SLC35E4: variants seen among roughly 807,000 people sequenced by gnomAD.
SLC35E4 encodes the protein solute carrier family 35, member E4.
A neutral mutation model predicts 19.3 loss-of-function variants in SLC35E4; 15 were observed. The ratio of observed to expected loss-of-function variants is 0.78; its 90% CI spans 0.52 to 1.20. SLC35E4 has a LOEUF of 1.20. SLC35E4 is among the 50% of genes most tolerant of loss of function. SLC35E4 has a pLI of 0.00. For missense variants in SLC35E4, 406 were observed against 472.3 expected (o/e 0.86, Z 1.30); for synonymous variants, 219 against 219.9 (o/e 1.00, Z 0.04).
At chr22:30,644,122 C>T (rs1156293085) in intron 1 of SLC35E4, among the ~76,000 whole-genome samples, 1 of 152,214 alleles carries the variant, frequency 6.6e-6, no homozygotes, top group African/African-American at 2.4e-5. Context: ...AATGTGCAAG[C>T]CACAGGTAGC....
chr22:30,659,123 C>CAAAA (rs35939188), intron 2 of SLC35E4, among the ~76,000 whole-genome samples: 1 of 104,714 alleles, frequency 9.5e-6, no homozygotes, highest in Non-Finnish European at 1.8e-5. Flanking sequence ...GACTCCATCT[C>CAAAA]AAAAAAAAAA....
downstream of SLC35E4, among the ~76,000 whole-genome samples, chr22:30,664,259 C>T (rs1156834079): frequency 2.6e-5 from 4 of 152,210 alleles, no homozygotes; most frequent in Non-Finnish European, 2.9e-5. Flanking sequence ...TCCAAACCCA[C>T]AGTCAGACTC....
downstream of SLC35E4, among the ~76,000 whole-genome samples, chr22:30,651,395 G>GTATATATA (rs2088209814): frequency 5.5e-5 from 3 of 54,074 alleles, no homozygotes; most frequent in African/African-American, 1.2e-4. Context: ...GTGTGTGTGT[G>GTATATATA]TGTGTATATA....
downstream of SLC35E4, chr22:30,663,836 T>G (rs560289108): frequency 2.8e-5 from 46 of 1,614,108 alleles, no homozygotes; most frequent in South Asian, 4.8e-4. Context: ...AGGTGTTCAC[T>G]ACCTCCACTG....
chr22:30,655,515 T>A (rs2088323011), intron 2 of SLC35E4, among the ~76,000 whole-genome samples: 1 of 151,994 alleles, frequency 6.6e-6, no homozygotes, highest in South Asian at 2.1e-4. Flanking sequence ...TCCTTTTTTT[T>A]TTTCTTCCAG....
rs140359117 is a variant in SLC35E4 at position 30,637,045 on chromosome 22, C to G, written c.595C>G (p.Arg199Gly). ...CTTCCTGCTCGCAGCCACCTGCCTC[C>G]GCGGACTCAAGTCGGTTCAGCAAAG... ...CGFLLAATCL[R>G]GLKSVQQSAL... Residue 199 changes from arginine (R) to glycine (G), a missense_variant, in exon 1 of 2, where the codon CGC becomes GGC. Transcript: ENST00000343605. 7.0e-6 allele frequency: 11 copies of G among 1,580,888 alleles called. No homozygotes were observed. The highest frequency in any genetic ancestry group is 1.7e-4 in the Middle Eastern group (1 of 5,944).
intron 2 of SLC35E4, among the ~76,000 whole-genome samples, chr22:30,659,168 G>C (rs1043528154): frequency 6.7e-6 from 1 of 148,490 alleles, no homozygotes; most frequent in African/African-American, 2.5e-5. Flanking sequence ...ACTGATACTG[G>C]AACTACAATA....
chr22:30,640,944 C>T (rs948834833), intron 1 of SLC35E4, among the ~76,000 whole-genome samples: 38 of 152,162 alleles, frequency 2.5e-4, no homozygotes, highest in Admixed American at 7.2e-4. Context: ...CCTGCCCTGG[C>T]GTATTCAGAG....
chr22:30,636,225 C>T lies in SLC35E4; in HGVS notation c.-226C>T, dbSNP rs1569054400. On this transcript the variant is annotated 5_prime_UTR_variant, in exon 1 of 2. Transcript: ENST00000343605. ...GCTTGAGCATCGGAGACCCTGGCATCCTAGCAGCCGCGACCTTGGCTCTGC... is the reference window on the plus strand; with the variant it reads ...GCTTGAGCATCGGAGACCCTGGCATTCTAGCAGCCGCGACCTTGGCTCTGC... 5.2e-6 allele frequency: 3 copies of T among 571,648 alleles called. No individual in the cohort carries two copies. The highest frequency in any genetic ancestry group is 8.6e-6 in the Non-Finnish European group (3 of 349,840). 35.4% of individuals were successfully genotyped at this position (571,648 alleles called of 1,614,324 possible).
chr22:30,665,579 TCTC>T (rs1569074337), downstream of SLC35E4: 1 of 470,162 alleles, frequency 2.1e-6, no homozygotes, highest in Admixed American at 2.4e-5. Context: ...TTAAGGGAAA[TCTC>T]CTTAGATCAC....
chr22:30,662,435 C>T (rs370995187), exon 3 of SLC35E4: 1 of 152,168 alleles, frequency 6.6e-6, no homozygotes, highest in Non-Finnish European at 1.5e-5. Flanking sequence ...CTCATGTGCC[C>T]TGGAGAAGGG....
intron 2 of SLC35E4, among the ~76,000 whole-genome samples, chr22:30,655,656 C>T (rs1416772132): frequency 3.3e-5 from 5 of 152,094 alleles, no homozygotes; most frequent in African/African-American, 9.7e-5. Flanking sequence ...TCAGCATAAA[C>T]ATGATGATGG....
rs373921428 is a variant in SLC35E4 at position 30,646,994 on chromosome 22, G to A, written c.1016G>A (p.Gly339Glu). Residue 339 changes from glycine (G) to glutamate (E), a missense_variant, in exon 2 of 2, where the codon GGG becomes GAG. Coordinates refer to ENST00000343605, the MANE Select transcript of SLC35E4 (RefSeq NM_001001479.4). ...GTGGCCTCCTGGGCTGCCCGTCGGGGGCTGTGGCGGAGGGACCAGCCCAGC... is the reference window on the plus strand; with the variant it reads ...GTGGCCTCCTGGGCTGCCCGTCGGGAGCTGTGGCGGAGGGACCAGCCCAGC... Reference protein sequence around the residue: ...EFVASWAARRGLWRRDQPSKG... With the variant: ...EFVASWAARRELWRRDQPSKG... The A allele has an allele frequency of 6.2e-6, 10 of 1,612,100 alleles. No homozygotes were observed. The highest frequency in any genetic ancestry group is 5.1e-6 in the Non-Finnish European group (6 of 1,179,436).
chr22:30,655,902 G>C (rs1474442698), intron 2 of SLC35E4, among the ~76,000 whole-genome samples: 1 of 151,672 alleles, frequency 6.6e-6, no homozygotes, highest in Non-Finnish European at 1.5e-5. Context: ...ATTGGGTCAC[G>C]ATCCAGAGGT....
At chr22:30,666,445 AC>A (rs35749738), downstream of SLC35E4, among the ~76,000 whole-genome samples, 3 of 151,754 alleles carry the variant, frequency 2.0e-5, no homozygotes, top group Non-Finnish European at 4.4e-5. Context: ...ACATGGTGAA[AC>A]CCCCGTCTCT....
chr22:30,648,876 A>C (rs1028819319), downstream of SLC35E4, among the ~76,000 whole-genome samples: 1 of 151,930 alleles, frequency 6.6e-6, no homozygotes, highest in African/African-American at 2.4e-5. Context: ...GGTCTTGACA[A>C]GGGACTGTGC....
At position 30,646,582 on chromosome 22, in the gene SLC35E4, G is replaced by A. The variant is rs377073912; in HGVS notation, c.620-16G>A. On this transcript the variant is annotated splice_polypyrimidine_tract_variant and intron_variant, in intron 1 of 1. Transcript: ENST00000343605. ...TTGTGTCCTTCTGGGTGCTCATGGC[G>A]GTTGTCCTGTTGCAGGTGCCCTGCT... The A allele has an allele frequency of 8.5e-5, 135 of 1,583,934 alleles. No homozygotes were observed. The highest frequency in any genetic ancestry group is 1.1e-4 in the Non-Finnish European group (123 of 1,163,764).
downstream of SLC35E4, chr22:30,667,902 G>A (rs1329276464): frequency 1.3e-5 from 2 of 152,382 alleles, no homozygotes; most frequent in African/African-American, 4.8e-5. Flanking sequence ...CTCCCTCCCC[G>A]GCCCCGCCCC....
At chr22:30,649,192 A>T (rs914945205), downstream of SLC35E4, 9 of 716,630 alleles carry the variant, frequency 1.3e-5, no homozygotes, top group African/African-American at 1.6e-4. Flanking sequence ...AATGGAACTG[A>T]TGATCCCTAT....
Sources: allele counts gnomAD v4.1 joint callset (sites outside exome capture counted in the v4.1 genomes callset), GRCh38; gene constraint gnomAD v4.1.1; transcripts MANE v1.5; gene names NCBI Gene and HGNC (gene_info 2026-07-23, HGNC 2026-07-21).